FKBP14: variants seen among roughly 807,000 people sequenced by gnomAD.
The protein encoded by FKBP14 is FKBP prolyl isomerase 14, also known as peptidyl-prolyl cis-trans isomerase FKBP14.
In FKBP14, 20 loss-of-function variants were observed where a neutral mutation model predicts 21.6. The ratio of observed to expected loss-of-function variants is 0.92; its 90% CI spans 0.65 to 1.34. The LOEUF is 1.34. Ranked by LOEUF, FKBP14 falls within the 40% of genes most tolerant of loss-of-function variation. The pLI is 0.00. For synonymous variants in FKBP14, 79 were observed against 86.7 expected (o/e 0.91, Z 0.49); for missense variants, 253 against 249.0 (o/e 1.02, Z -0.11).
intron 2 of FKBP14, among the ~76,000 whole-genome samples, chr7:30,022,083 G>T (rs1313521248): frequency 2.0e-5 from 3 of 152,094 alleles, no homozygotes; most frequent in African/African-American, 7.2e-5. Flanking sequence ...TTAAAAACGG[G>T]AATGAAAAGA....
rs957115549 is a variant in FKBP14 at position 30,011,348 on chromosome 7, A to G, written c.*3387T>C. 6.6e-6 allele frequency: 1 copy of G among 151,632 alleles called. No individual in the cohort carries two copies. Among genetic ancestry groups the G allele is most frequent in the Admixed American group, 6.6e-5 (1 of 15,184 alleles). The allele number at this position is 151,632 out of a possible 1,614,324, so 9.4% of individuals were successfully genotyped here. A position where few individuals can be genotyped will look rare whatever the true frequency, so the allele number is the denominator to read the frequency against. ...AAGGCACCATGCCCAACCAGAAGAAAAACATTTTTTATAAATTTTAGTGTC... is the reference window on the plus strand; with the variant it reads ...AAGGCACCATGCCCAACCAGAAGAAGAACATTTTTTATAAATTTTAGTGTC... On this transcript the variant is annotated 3_prime_UTR_variant, in exon 4 of 4. Transcript: ENST00000222803.
rs925120564 is a variant in FKBP14, at chr7:30,022,593, C to T, written c.349+72G>A. On this transcript the variant is annotated intron_variant, in intron 2 of 3. Coordinates refer to ENST00000222803, the MANE Select transcript of FKBP14 (RefSeq NM_017946.4). ...AGGGGAAAAAAAAAAGTTATAGTGA[C>T]TCTAACTTCTGTCTCCTAATCCAGA... 5 of 1,480,116 alleles carry T rather than the reference C, an allele frequency of 3.4e-6. No homozygotes were observed. The African/African-American group carries it at 4.3e-5, about 13-fold the overall frequency. The allele number at this position is 1,480,116 out of a possible 1,614,324, so 91.7% of individuals were successfully genotyped here.
At chr7:30,024,610 A>C (rs567417040) in intron 1 of FKBP14, among the ~76,000 whole-genome samples, 2 of 152,156 alleles carry the variant, frequency 1.3e-5, no homozygotes, top group Admixed American at 1.3e-4. Context: ...GTTGGCCAGG[A>C]TGGTCTCAAA....
rs1252646088 is a variant in FKBP14, at chr7:30,014,739, A to G, written c.632T>C (p.Leu211Ser). 6.3e-6 allele frequency: 10 copies of G among 1,591,212 alleles called. No homozygotes were observed. Among genetic ancestry groups the G allele is most frequent in the Non-Finnish European group, 8.5e-6 (10 of 1,171,248 alleles). Residue 211 changes from leucine to serine, a missense_variant, in exon 4 of 4, where the codon TTA becomes TCA. By Grantham distance (145) the Leu-to-Ser change is moderately radical. Transcript: ENST00000222803. ...AREFTYKHDE[L>S] is the part of the protein sequence containing the mutation. ...ATTAAAAGGGTAGATGTATCTCTAT[A>G]ACTCATCGTGTTTATATGTAAATTC... is the stretch of plus-strand genomic sequence containing the variant.
chr7:30,019,731 G>A (rs1434708543), intron 2 of FKBP14, among the ~76,000 whole-genome samples: 4 of 152,020 alleles, frequency 2.6e-5, no homozygotes, highest in Admixed American at 6.6e-5. Flanking sequence ...AGGATAAAGG[G>A]AGAAAAATCC....
At chr7:30,015,022 AT>A (rs1419268004) in intron 3 of FKBP14, 129 bp from the exon 4 acceptor site, 1 of 471,522 alleles carries the variant, frequency 2.1e-6, no homozygotes, top group Non-Finnish European at 3.6e-6. Context: ...CTAAACAGCC[AT>A]TTTATGACAT....
At chr7:30,020,523 C>G (rs1371080727) in intron 2 of FKBP14, among the ~76,000 whole-genome samples, 1 of 152,028 alleles carries the variant, frequency 6.6e-6, no homozygotes, top group Non-Finnish European at 1.5e-5. Flanking sequence ...GTACCAAACC[C>G]CATACATACA....
chr7:30,018,973 G>A, intron 3 of FKBP14, 23 bp downstream of exon 3: 1 of 1,602,780 alleles, frequency 6.2e-7, no homozygotes. Flanking sequence ...GTAGAAAGAG[G>A]AGTAGGAAGA....
At chr7:30,018,958 G>C in intron 3 of FKBP14, 38 bp downstream of exon 3, 1 of 1,593,618 alleles carries the variant, frequency 6.3e-7, no homozygotes, top group East Asian at 2.3e-5. Flanking sequence ...AACAACCAAA[G>C]AAAAGTAGAA....
downstream of FKBP14, among the ~76,000 whole-genome samples, chr7:30,009,370 T>C (rs1051244178): frequency 7.9e-5 from 12 of 151,806 alleles, no homozygotes; most frequent in African/African-American, 2.4e-4. Flanking sequence ...GTAGCTGGGA[T>C]TACATGCGTG....
downstream of FKBP14, among the ~76,000 whole-genome samples, chr7:30,008,660 G>GTGGTCAACCAAGATCGCGC (rs2127944182): frequency 7.2e-6 from 1 of 138,102 alleles, no homozygotes; most frequent in Non-Finnish European, 1.5e-5. Context: ...GGTGGAGGTT[G>GTGGTCAACCAAGATCGCGC]CAGTGAGCTG....
chr7:30,008,180 A>G (rs1272913823), downstream of FKBP14: 1 of 152,102 alleles, frequency 6.6e-6, no homozygotes, highest in African/African-American at 2.4e-5. Flanking sequence ...TCACCGCTAC[A>G]TTTCTGCAAC....
At chr7:30,026,230 C>T (rs1790167044) in intron 1 of FKBP14, 82 bp downstream of exon 1, 4 of 1,346,162 alleles carry the variant, frequency 3.0e-6, no homozygotes, top group East Asian at 4.7e-5. Flanking sequence ...AAACCAGGTA[C>T]AGGCCACCTT....
intron 2 of FKBP14, among the ~76,000 whole-genome samples, chr7:30,021,047 T>C (rs1790018082): frequency 6.6e-6 from 1 of 152,344 alleles, no homozygotes; most frequent in African/African-American, 2.4e-5. Flanking sequence ...CAGGATGCTA[T>C]GAAGTCTATA....
chr7:30,006,511 T>A (rs901135445), downstream of FKBP14, among the ~76,000 whole-genome samples: 1 of 151,934 alleles, frequency 6.6e-6, no homozygotes, highest in Non-Finnish European at 1.5e-5. Context: ...GAAAAAAATA[T>A]ATATAGAAGA....
At chr7:30,022,572 GAAAAA>G (rs202102883) in intron 2 of FKBP14, 88 bp downstream of exon 2, 2 of 1,197,454 alleles carry the variant, frequency 1.7e-6, no homozygotes, top group South Asian at 1.7e-5. Context: ...ACTTCCAGGG[GAAAAA>G]AAAAAGTTAT....
At chr7:30,020,633 TATC>T (rs759886054) in intron 2 of FKBP14, among the ~76,000 whole-genome samples, 31 of 152,288 alleles carry the variant, frequency 2.0e-4, no homozygotes, top group East Asian at 7.7e-4. Context: ...TACAACAACA[TATC>T]ATAATAAAAG....
chr7:30,018,306 G>A (rs1301067641), intron 3 of FKBP14, among the ~76,000 whole-genome samples: 2 of 152,214 alleles, frequency 1.3e-5, no homozygotes, highest in African/African-American at 4.8e-5. Flanking sequence ...AGGACAGAAT[G>A]GAGTGTGAGT....
chr7:30,022,850 A>T, intron 1 of FKBP14, 34 bp from the exon 2 acceptor site: 1 of 1,577,772 alleles, frequency 6.3e-7, no homozygotes, highest in Non-Finnish European at 8.6e-7. Flanking sequence ...AGAACTCCTT[A>T]TTAACTCTAA....
Sources: allele counts gnomAD v4.1 joint callset (sites outside exome capture counted in the v4.1 genomes callset), GRCh38; gene constraint gnomAD v4.1.1; transcripts MANE v1.5; gene names NCBI Gene and HGNC (gene_info 2026-07-23, HGNC 2026-07-21).